Variants in ZNF385D observed in about 807,000 individuals in gnomAD.
ZNF385D encodes the protein zinc finger protein 385D.
In ZNF385D, 15 loss-of-function variants were observed where a neutral mutation model predicts 35.8. The observed-to-expected ratio is 0.42, with a 90% CI of 0.28 to 0.64. The LOEUF is 0.64. Among genes scored for constraint, ZNF385D ranks in the 30% least tolerant of loss-of-function variants. The pLI, the probability that ZNF385D is intolerant of heterozygous loss-of-function variation, is 0.23. For missense variants in ZNF385D, 474 were observed against 494.6 expected (o/e 0.96, Z 0.39); for synonymous variants, 212 against 186.8 (o/e 1.13, Z -1.10).
intron 3 of ZNF385D, among the ~76,000 whole-genome samples, chr3:22,157,409 G>GAA (rs143109467): frequency 0.033 from 4,996 of 151,892 alleles, 119 homozygotes; most frequent in Non-Finnish European, 0.052. Flanking sequence ...TATAAGACAG[G>GAA]AATTAAATTT....
intron 4 of ZNF385D, among the ~76,000 whole-genome samples, chr3:21,456,911 C>T (rs904764130): frequency 2.0e-5 from 3 of 152,058 alleles, no homozygotes; most frequent in Non-Finnish European, 4.4e-5. Context: ...TCTACCCATT[C>T]CTGCAATTCC....
At chr3:21,924,856 G>A (rs1262823786) in intron 3 of ZNF385D, among the ~76,000 whole-genome samples, 3 of 152,064 alleles carry the variant, frequency 2.0e-5, no homozygotes, top group Non-Finnish European at 4.4e-5. Flanking sequence ...GAGGCCCATT[G>A]GGAAACCTGG....
At chr3:21,925,947 A>G (rs1700704720) in intron 3 of ZNF385D, among the ~76,000 whole-genome samples, 1 of 152,172 alleles carries the variant, frequency 6.6e-6, no homozygotes, top group Admixed American at 6.5e-5. Flanking sequence ...TGTAACTATC[A>G]GAATGGCTAA....
intron 5 of ZNF385D, 51 bp downstream of exon 5, chr3:21,436,919 G>A: frequency 6.5e-7 from 1 of 1,538,860 alleles, no homozygotes; most frequent in South Asian, 1.2e-5. Flanking sequence ...TCTATTCAGA[G>A]GAAGATAATT....
chr3:21,661,754 G>A (rs1229932755), intron 2 of ZNF385D, among the ~76,000 whole-genome samples: 1 of 152,046 alleles, frequency 6.6e-6, no homozygotes, highest in Non-Finnish European at 1.5e-5. Flanking sequence ...GGAGACTAAG[G>A]GATCCTGATA....
intron 2 of ZNF385D, among the ~76,000 whole-genome samples, chr3:22,325,400 T>C (rs1195192176): frequency 6.6e-6 from 1 of 152,218 alleles, no homozygotes; most frequent in African/African-American, 2.4e-5. Context: ...AGTAAAATTA[T>C]TTTCTAAATA....
chr3:22,133,033 G>T (rs542097973), intron 3 of ZNF385D, among the ~76,000 whole-genome samples: 2 of 151,890 alleles, frequency 1.3e-5, no homozygotes. Context: ...GTTTCCCCAA[G>T]GACTAAAATT....
chr3:21,486,328 C>T (rs1705026944), intron 4 of ZNF385D, among the ~76,000 whole-genome samples: 1 of 149,900 alleles, frequency 6.7e-6, no homozygotes, highest in African/African-American at 2.5e-5. Flanking sequence ...GAAAAGGAGC[C>T]AAGTCTCATA....
intron 3 of ZNF385D, among the ~76,000 whole-genome samples, chr3:21,872,251 T>C (rs186562468): frequency 6.6e-4 from 100 of 152,268 alleles, no homozygotes; most frequent in Non-Finnish European, 6.3e-4. Context: ...CCTTTAGCAG[T>C]ACAGACTTAG....
chr3:22,079,434 A>G (rs557423965), intron 3 of ZNF385D, among the ~76,000 whole-genome samples: 72 of 152,098 alleles, frequency 4.7e-4, no homozygotes, highest in Admixed American at 1.4e-3. Context: ...GATCTTTTCT[A>G]TAATTCTAAA....
rs143797971 is a variant in ZNF385D at position 22,029,499 on chromosome 3, T to C, written c.325+139318A>G. On this transcript the variant is annotated intron_variant, in intron 3 of 5. Transcript: ENST00000494108. ...GAAGGCAAGGAAAACACAGAATAAA[T>C]AGTAGATAAAAGGTAATCATCAATA... Among the ~76,000 whole-genome samples the C allele has an allele frequency of 4.6e-5, 7 of 152,264 alleles. No individual in the cohort carries two copies. In the East Asian group the frequency reaches 9.7e-4, roughly 21 times the overall value.
intron 3 of ZNF385D, chr3:21,961,605 A>G (rs1200341113): frequency 6.6e-6 from 1 of 152,182 alleles, no homozygotes; most frequent in Non-Finnish European, 1.5e-5. Flanking sequence ...ATAGAACATT[A>G]AAATGTCTAA....
intron 3 of ZNF385D, among the ~76,000 whole-genome samples, chr3:21,784,805 G>C (rs1431680221): frequency 6.6e-6 from 1 of 152,076 alleles, no homozygotes; most frequent in Non-Finnish European, 1.5e-5. Context: ...CAATTTTAGT[G>C]ATGTCTCTCC....
chr3:21,724,709 C>G (rs1000322559), intron 1 of ZNF385D, among the ~76,000 whole-genome samples: 2 of 151,990 alleles, frequency 1.3e-5, no homozygotes, highest in Non-Finnish European at 2.9e-5. Flanking sequence ...TACAAAGAGA[C>G]TTAAACTCCC....
intron 3 of ZNF385D, among the ~76,000 whole-genome samples, chr3:21,953,998 G>T (rs533676471): frequency 6.6e-6 from 1 of 152,004 alleles, no homozygotes; most frequent in South Asian, 2.1e-4. Context: ...GGACAAAAGA[G>T]AAAAACAAGG....
Position 22,030,299 on chromosome 3 carries a change from A to ATATCTATCTATC in ZNF385D, c.325+138517_325+138518insGATAGATAGATA, listed in dbSNP as rs1559316685. ...TATATATATATATATATATATATAT[A>ATATCTATCTATC]TATCCTATTTGGTCCATCCCTCGAA... is the stretch of plus-strand genomic sequence containing the variant. On this transcript the variant is annotated intron_variant, in intron 3 of 5. Transcript: ENST00000494108. 3.5e-5 allele frequency among the ~76,000 whole-genome samples: 4 copies of ATATCTATCTATC among 114,738 alleles called. 1 individual carries two copies. The Admixed American group carries it at 4.1e-4, about 12-fold the overall frequency. The allele number at this position is 114,738 out of a possible 152,430, so 75.3% of individuals were successfully genotyped here.
At chr3:21,758,595 G>T (rs1178574972) in intron 3 of ZNF385D, among the ~76,000 whole-genome samples, 2 of 152,050 alleles carry the variant, frequency 1.3e-5, no homozygotes, top group Non-Finnish European at 2.9e-5. Context: ...TGATTCAGGG[G>T]AAATTAATGA....
intron 3 of ZNF385D, among the ~76,000 whole-genome samples, chr3:22,043,908 G>T (rs1340567464): frequency 6.6e-6 from 1 of 152,184 alleles, no homozygotes; most frequent in South Asian, 2.1e-4. Flanking sequence ...AGAAGTGAGG[G>T]AGGCCTCCAA....
At chr3:22,185,681 T>G (rs1695582130) in intron 2 of ZNF385D, among the ~76,000 whole-genome samples, 2 of 152,230 alleles carry the variant, frequency 1.3e-5, no homozygotes, top group South Asian at 4.1e-4. Context: ...TTGGCCAGGC[T>G]GGTCTTGAAC....
Sources: allele counts gnomAD v4.1 joint callset (sites outside exome capture counted in the v4.1 genomes callset), GRCh38; gene constraint gnomAD v4.1.1; transcripts MANE v1.5; gene names NCBI Gene and HGNC (gene_info 2026-07-23, HGNC 2026-07-21).